SGMS1: variants seen among roughly 807,000 people sequenced by gnomAD.
The protein encoded by SGMS1 is phosphatidylcholine:ceramide cholinephosphotransferase 1.
Under a neutral mutation model 46.2 loss-of-function variants are expected in SGMS1, and 13 were observed. That is an observed-to-expected ratio of 0.28 (90% CI 0.18 to 0.45). The LOEUF (loss-of-function observed/expected upper bound fraction) is 0.45. SGMS1 is among the 20% of genes least tolerant of loss of function. The pLI, the probability that SGMS1 is intolerant of heterozygous loss-of-function variation, is 1.00. For synonymous variants in SGMS1, 203 were observed against 187.8 expected, an observed-to-expected ratio of 1.08 and a Z score of -0.66; for missense variants, 324 against 519.9, an observed-to-expected ratio of 0.62 and a Z score of 3.66.
intron 3 of SGMS1, among the ~76,000 whole-genome samples, chr10:50,476,298 A>C (rs1588846209): frequency 6.6e-5 from 1 of 15,056 alleles, no homozygotes. Context: ...AAGGGAAGGG[A>C]GGGGAGGGGA....
At position 50,344,262 on chromosome 10, in the gene SGMS1, G is replaced by A; in HGVS notation, c.-148C>T. The stretch of plus-strand genomic sequence containing the variant: ...CTTGTTTGGCAAGATGGTCAGGGCA[G>A]TTTTTAAACACCTCATGTAGCTGTC... On this transcript the variant is annotated 5_prime_UTR_variant, in exon 7 of 11. Coordinates refer to ENST00000361781, the MANE Select transcript of SGMS1 (RefSeq NM_147156.4). 1.0e-6 allele frequency: 1 copy of A among 988,084 alleles called. No homozygotes were observed. Among genetic ancestry groups the A allele is most frequent in the East Asian group, 2.5e-5 (1 of 39,684 alleles). 61.2% of individuals were successfully genotyped at this position (988,084 alleles called of 1,614,324 possible). A position where few individuals can be genotyped will look rare whatever the true frequency, so the allele number is the denominator to read the frequency against.
chr10:50,434,883 C>CAAAAAA (rs11398784), intron 5 of SGMS1, among the ~76,000 whole-genome samples: 1 of 110,370 alleles, frequency 9.1e-6, no homozygotes. Context: ...GACTCCGTCT[C>CAAAAAA]AAAAAAAAAA....
upstream of SGMS1, chr10:50,624,953 C>A: frequency 9.7e-7 from 1 of 1,028,346 alleles, no homozygotes; most frequent in African/African-American, 1.7e-5. Flanking sequence ...GGGCAGCCAT[C>A]TTCCGCCCGG....
chr10:50,327,113 T>G, intron 8 of SGMS1, 92 bp downstream of exon 8: 1 of 737,628 alleles, frequency 1.4e-6, no homozygotes, highest in African/African-American at 1.8e-5. Flanking sequence ...CACTGTATTC[T>G]GAAGAAACGT....
intron 2 of SGMS1, among the ~76,000 whole-genome samples, chr10:50,554,092 G>T (rs1838171025): frequency 6.6e-6 from 1 of 152,126 alleles, no homozygotes; most frequent in Non-Finnish European, 1.5e-5. Flanking sequence ...CAGGTGACTT[G>T]GGAGTAACCA....
At chr10:50,561,508 T>C (rs1225824622) in intron 2 of SGMS1, among the ~76,000 whole-genome samples, 1 of 152,226 alleles carries the variant, frequency 6.6e-6, no homozygotes, top group Non-Finnish European at 1.5e-5. Context: ...GAGCTGTGCT[T>C]AGTTCGTCAC....
At chr10:50,622,397 A>C (rs1838860891) in intron 1 of SGMS1, among the ~76,000 whole-genome samples, 1 of 152,116 alleles carries the variant, frequency 6.6e-6, no homozygotes, top group Admixed American at 6.6e-5. Flanking sequence ...GTCCCCCCTG[A>C]ATGTTTCAAC....
At chr10:50,572,507 T>C (rs1838345141) in intron 2 of SGMS1, among the ~76,000 whole-genome samples, 1 of 151,656 alleles carries the variant, frequency 6.6e-6, no homozygotes, top group Non-Finnish European at 1.5e-5. Context: ...AGGTAGGAGA[T>C]GGGTTGGGGG....
At chr10:50,438,812 A>C (rs760680715) in intron 5 of SGMS1, among the ~76,000 whole-genome samples, 68 of 152,212 alleles carry the variant, frequency 4.5e-4, no homozygotes, top group Admixed American at 1.7e-3. Flanking sequence ...TCCAACTCAG[A>C]CTCAGTTTCC....
intron 1 of SGMS1, among the ~76,000 whole-genome samples, chr10:50,592,923 G>A (rs969436331): frequency 5.3e-5 from 8 of 152,206 alleles, no homozygotes; most frequent in Non-Finnish European, 1.5e-5. Flanking sequence ...AAGATGGCCC[G>A]TGGTGATATC....
chr10:50,482,548 T>C (rs551146349), intron 3 of SGMS1, among the ~76,000 whole-genome samples: 1 of 152,202 alleles, frequency 6.6e-6, no homozygotes, highest in East Asian at 1.9e-4. Context: ...GAAGGAAGCA[T>C]GAAATACAGA....
intron 6 of SGMS1, among the ~76,000 whole-genome samples, chr10:50,401,663 T>C (rs1445192891): frequency 2.6e-5 from 4 of 152,216 alleles, no homozygotes; most frequent in Non-Finnish European, 4.4e-5. Context: ...TGAAATTTTC[T>C]TAAGGGATAC....
intron 3 of SGMS1, among the ~76,000 whole-genome samples, chr10:50,506,999 C>T (rs1837712459): frequency 6.6e-6 from 1 of 152,198 alleles, no homozygotes; most frequent in East Asian, 1.9e-4. Flanking sequence ...GTACCAAATG[C>T]ACCCAGAATG....
intron 5 of SGMS1, among the ~76,000 whole-genome samples, chr10:50,442,348 C>G (rs1849556878): frequency 6.6e-6 from 1 of 152,100 alleles, no homozygotes; most frequent in Admixed American, 6.5e-5. Flanking sequence ...CCACCGCCCC[C>G]CTCTGACAGG....
At chr10:50,380,590 T>C (rs749669040) in intron 6 of SGMS1, among the ~76,000 whole-genome samples, 4 of 152,226 alleles carry the variant, frequency 2.6e-5, no homozygotes, top group Non-Finnish European at 5.9e-5. Flanking sequence ...GAAACGTCCA[T>C]GCCACTGCCT....
upstream of SGMS1, chr10:50,624,080 T>C: frequency 2.1e-5 from 21 of 985,132 alleles, no homozygotes; most frequent in Non-Finnish European, 2.4e-5. Context: ...GGGGGGCTCC[T>C]CCCGGGACCG....
chr10:50,342,034 G>A (rs746591844), intron 7 of SGMS1, among the ~76,000 whole-genome samples: 12 of 152,096 alleles, frequency 7.9e-5, no homozygotes, highest in Admixed American at 2.0e-4. Context: ...ATGAAAAACC[G>A]GAAAAGGAGC....
intron 7 of SGMS1, among the ~76,000 whole-genome samples, chr10:50,329,837 G>C (rs1239288675): frequency 6.6e-6 from 1 of 152,094 alleles, no homozygotes; most frequent in African/African-American, 2.4e-5. Context: ...GCACACACTT[G>C]GCAAGGACTA....
intron 6 of SGMS1, among the ~76,000 whole-genome samples, chr10:50,353,736 C>A (rs1438554693): frequency 2.1e-3 from 315 of 151,672 alleles, no homozygotes; most frequent in Admixed American, 4.6e-3. Context: ...GCAACTTCAG[C>A]AAAGTCTCAG....
Sources: allele counts gnomAD v4.1 joint callset (sites outside exome capture counted in the v4.1 genomes callset), GRCh38; gene constraint gnomAD v4.1.1; transcripts MANE v1.5; gene names NCBI Gene and HGNC (gene_info 2026-07-23, HGNC 2026-07-21).